The following GNPDA2 variants were observed in gnomAD, a reference collection of about 807,000 sequenced individuals.
GNPDA2 encodes the protein glucosamine-6-phosphate deaminase 2, also known as glcN6P deaminase 2.
Under a neutral mutation model 27.0 loss-of-function variants are expected in GNPDA2, and 24 were observed. The ratio of observed to expected loss-of-function variants is 0.89; its 90% confidence interval spans 0.64 to 1.25. The LOEUF is 1.25. Ranked by LOEUF, GNPDA2 falls within the 50% of genes most tolerant of loss-of-function variation. The pLI, the probability that GNPDA2 is intolerant of heterozygous loss-of-function variation, is 0.00. For missense variants in GNPDA2, 286 were observed against 335.1 expected (o/e 0.85, Z 1.14); for synonymous variants, 94 against 108.4 (o/e 0.87, Z 0.83).
At chr4:44,717,881 A>C (rs1479242570) in intron 3 of GNPDA2, among the ~76,000 whole-genome samples, 1 of 151,948 alleles carries the variant, frequency 6.6e-6, no homozygotes, top group Non-Finnish European at 1.5e-5. Context: ...AATAAATTAT[A>C]AAAGCTCCAG....
chr4:44,719,411 A>G (rs1717528584), intron 2 of GNPDA2, among the ~76,000 whole-genome samples: 1 of 152,088 alleles, frequency 6.6e-6, no homozygotes, highest in Non-Finnish European at 1.5e-5. Flanking sequence ...TAGTAAAAAG[A>G]CTGCCTCTTG....
At chr4:44,723,054 G>C (rs1717778881) in intron 1 of GNPDA2, among the ~76,000 whole-genome samples, 1 of 151,950 alleles carries the variant, frequency 6.6e-6, no homozygotes, top group Non-Finnish European at 1.5e-5. Context: ...TTGACAAAAA[G>C]CAATTTTAGT....
intron 5 of GNPDA2, among the ~76,000 whole-genome samples, chr4:44,710,652 C>G (rs888205928): frequency 2.6e-5 from 4 of 152,096 alleles, no homozygotes; most frequent in African/African-American, 9.7e-5. Flanking sequence ...GAGACACTTT[C>G]AATAAAAAAC....
chr4:44,704,473 C>CA (rs1456198527), intron 6 of GNPDA2: 1 of 808,666 alleles, frequency 1.2e-6, no homozygotes, highest in Non-Finnish European at 1.5e-6. Context: ...ATTAAAAATT[C>CA]AACTCCTTTA....
chr4:44,712,485 G>A (rs1444495132), intron 4 of GNPDA2, among the ~76,000 whole-genome samples: 1 of 151,804 alleles, frequency 6.6e-6, no homozygotes, highest in Non-Finnish European at 1.5e-5. Flanking sequence ...ACCTACATAT[G>A]GTTAATATGC....
At chr4:44,715,327 C>A (rs193048107) in intron 4 of GNPDA2, among the ~76,000 whole-genome samples, 3 of 152,090 alleles carry the variant, frequency 2.0e-5, no homozygotes, top group Non-Finnish European at 4.4e-5. Flanking sequence ...TTTGGGTCTA[C>A]AAGAGATTTG....
chr4:44,722,188 T>G lies in GNPDA2; in HGVS notation c.20A>C (p.Asp7Ala), dbSNP rs757568346. ...CCATTCACTAGCCAAGTCATAGTTA[T>G]CAAGAATTACAAGCCTCATTACGGT... is the stretch of plus-strand genomic sequence containing the variant. MRLVIL[D>A]NYDLASEWAA... Residue 7 changes from aspartate to alanine, a missense_variant, in exon 2 of 7, where the codon GAT becomes GCT. Physicochemically the swap from Asp to Ala is moderately radical, Grantham distance 126. Coordinates refer to ENST00000295448, the MANE Select transcript of GNPDA2 (RefSeq NM_138335.3). 1 of 1,613,490 alleles carries G rather than the reference T, an allele frequency of 6.2e-7. No individual in the cohort carries two copies. Among genetic ancestry groups the G allele is most frequent in the Non-Finnish European group, 8.5e-7 (1 of 1,179,592 alleles).
In GNPDA2 at chr4:44,722,184, G is replaced by C. The variant is rs1368909246; in HGVS notation, c.24C>G (p.Asn8Lys). The C allele has an allele frequency of 6.2e-7, 1 of 1,613,322 alleles. No individual in the cohort carries two copies. The highest frequency in any genetic ancestry group is 8.5e-7 in the Non-Finnish European group (1 of 1,179,408). The change falls in exon 2 of 7, where the codon AAC becomes AAG. Residue 8 changes from asparagine (N) to lysine (K), a missense_variant. By Grantham distance (94) the Asn-to-Lys change is moderately conservative (BLOSUM62 0). Coordinates refer to ENST00000295448, the MANE Select transcript of GNPDA2 (RefSeq NM_138335.3). The part of the protein sequence containing the change: MRLVILD[N>K]YDLASEWAAK... ...CTGCCCATTCACTAGCCAAGTCATA[G>C]TTATCAAGAATTACAAGCCTCATTA... is the stretch of plus-strand genomic sequence containing the variant.
chr4:44,710,915 CA>C (rs781733548), intron 5 of GNPDA2, 37 bp downstream of exon 5: 2 of 1,423,862 alleles, frequency 1.4e-6, no homozygotes, highest in South Asian at 2.8e-5. Context: ...AATATATTAA[CA>C]TGAAAAGAAA....
intron 2 of GNPDA2, among the ~76,000 whole-genome samples, chr4:44,718,634 T>C (rs1717467655): frequency 6.6e-6 from 1 of 151,932 alleles, no homozygotes; most frequent in Non-Finnish European, 1.5e-5. Context: ...AATTAAAGTT[T>C]GGAAAATTAT....
At chr4:44,715,953 TGAGA>T (rs942554733) in intron 4 of GNPDA2, among the ~76,000 whole-genome samples, 6 of 151,942 alleles carry the variant, frequency 3.9e-5, no homozygotes, top group African/African-American at 1.4e-4. Context: ...CATTTACAGT[TGAGA>T]GAGAAAGAGA....
intron 1 of GNPDA2, 92 bp from the exon 2 acceptor site, chr4:44,722,334 C>A: frequency 1.1e-6 from 1 of 916,960 alleles, no homozygotes; most frequent in Non-Finnish European, 1.6e-6. Flanking sequence ...AAATAGAGCA[C>A]TGAAACAGAA....
intron 6 of GNPDA2, chr4:44,705,701 T>C (rs1716556895): frequency 6.5e-6 from 1 of 153,314 alleles, no homozygotes; most frequent in Non-Finnish European, 1.4e-5. Context: ...TGGGAGGCAG[T>C]ATAATAGAAT....
intron 2 of GNPDA2, among the ~76,000 whole-genome samples, chr4:44,719,620 C>G (rs975929715): frequency 6.6e-6 from 1 of 151,980 alleles, no homozygotes; most frequent in Non-Finnish European, 1.5e-5. Flanking sequence ...TATGCTTTCC[C>G]TCTTCCTTTC....
Position 44,717,239 on chromosome 4 carries a change from TA to T in GNPDA2, c.282del (p.Phe94LeufsTer6), listed in dbSNP as rs1489322870. On this transcript the variant is annotated frameshift_variant, in exon 4 of 7. Transcript: ENST00000295448. LOFTEE classifies it high-confidence loss of function. ...TTATTAGGATCTATATCGATATGCT[TA>T]AAAAAATTATTCCACATATAAGAAT... ...SYHSYMWNNF[F>X]KHIDIDPNNA... 5.1e-6 allele frequency: 8 copies of T among 1,563,252 alleles called. No homozygotes were observed. Among genetic ancestry groups the T allele is most frequent in the African/African-American group, 1.4e-5 (1 of 73,522 alleles).
rs780333825 is a variant in GNPDA2, at chr4:44,717,253, C to A, written c.269G>T (p.Trp90Leu). 8.4e-6 allele frequency: 13 copies of A among 1,551,586 alleles called. No homozygotes were observed. Among genetic ancestry groups the A allele is most frequent in the Admixed American group, 3.5e-5 (2 of 56,452 alleles). ...NHPESYHSYM[W>L]NNFFKHIDID... ...ATCGATATGCTTAAAAAAATTATTC[C>A]ACATATAAGAATGGTAGCTTTCAGG... The change falls in exon 4 of 7, where the codon TGG (tryptophan) becomes TTG (leucine). Residue 90 changes from tryptophan to leucine, a missense_variant. Transcript: ENST00000295448.
intron 3 of GNPDA2, 62 bp downstream of exon 3, chr4:44,718,247 A>G (rs1417287821): frequency 7.9e-6 from 5 of 632,576 alleles, no homozygotes; most frequent in African/African-American, 1.9e-5. Context: ...CTAAAACTAC[A>G]TTCATTTTAT....
chr4:44,703,108 T>A lies in GNPDA2; in HGVS notation c.804A>T (p.Pro268=), dbSNP rs34864228. ...AGTTTCCATCTTTCATACTGAATAGTGGATCCACAAGTTTATTGTGCACAT... is the reference window on the plus strand; with the variant it reads ...AGTTTCCATCTTTCATACTGAATAGAGGATCCACAAGTTTATTGTGCACAT... ...LMHVHNKLVD[P]LFSMKDGN is the part of the protein sequence containing the mutation. Residue 268 remains proline (P), a synonymous_variant, in exon 7 of 7, where the codon CCA becomes CCT. Transcript: ENST00000295448. 1 of 1,612,032 alleles carries A rather than the reference T, an allele frequency of 6.2e-7. No homozygotes were observed. The highest frequency in any genetic ancestry group is 2.2e-5 in the East Asian group (1 of 44,768).
chr4:44,724,296 C>T (rs1313197563), intron 1 of GNPDA2, among the ~76,000 whole-genome samples: 2 of 152,174 alleles, frequency 1.3e-5, no homozygotes, highest in Non-Finnish European at 2.9e-5. Flanking sequence ...CCTCTGCCTC[C>T]AGACCCTATT....
Sources: gnomAD v4.1 joint callset for allele counts (sites outside exome capture counted in the v4.1 genomes callset) on GRCh38, gnomAD v4.1.1 for gene constraint, MANE v1.5 for transcripts, NCBI Gene and HGNC (gene_info 2026-07-23, HGNC 2026-07-21) for gene names.